The following LPCAT2 variants were observed in gnomAD, a reference collection of about 807,000 sequenced individuals.
The protein encoded by LPCAT2 is 1-AGP acyltransferase 11.
In LPCAT2, 58 loss-of-function variants were observed where a neutral mutation model predicts 64.7. That is an observed-to-expected ratio of 0.90 (90% confidence interval 0.73 to 1.12). LPCAT2 has a LOEUF of 1.12. LPCAT2 is among the 50% of genes most tolerant of loss of function. LPCAT2 has a pLI of 0.00. For synonymous variants in LPCAT2, 252 were observed against 245.3 expected (o/e 1.03, Z -0.26); for missense variants, 579 against 669.8 (o/e 0.86, Z 1.50).
At chr16:55,561,504 G>C (rs1183086530) in intron 11 of LPCAT2, among the ~76,000 whole-genome samples, 2 of 151,294 alleles carry the variant, frequency 1.3e-5, no homozygotes, top group African/African-American at 4.8e-5. Flanking sequence ...TCTAATAATA[G>C]TCTTTTATTC....
intron 11 of LPCAT2, among the ~76,000 whole-genome samples, chr16:55,569,182 T>C (rs1244989133): frequency 7.2e-5 from 11 of 152,212 alleles, no homozygotes; most frequent in Non-Finnish European, 4.4e-5. Flanking sequence ...AGAGGTTGGC[T>C]TTTGACCTTT....
chr16:55,513,393 G>A (rs1651538546), intron 1 of LPCAT2, among the ~76,000 whole-genome samples: 1 of 151,992 alleles, frequency 6.6e-6, no homozygotes. Context: ...TAGTGAACTT[G>A]AAGATAGGTC....
intron 11 of LPCAT2, among the ~76,000 whole-genome samples, chr16:55,573,361 C>T (rs1488112981): frequency 4.0e-5 from 6 of 151,306 alleles, no homozygotes; most frequent in East Asian, 1.9e-4. Context: ...TAGTAGGTAA[C>T]GGTAGATGAG....
rs1963924796 is a variant in LPCAT2, at chr16:55,584,632, T to C, written c.*1534T>C. On this transcript the variant is annotated 3_prime_UTR_variant, in exon 14 of 14. Transcript: ENST00000262134. The stretch of plus-strand genomic sequence containing the variant: ...TTGGCCGTGTTTCTGAATGTATTGG[T>C]GATTCACCCCCAAGCTAATTTTTTA... The C allele has an allele frequency of 6.6e-6, 1 of 152,158 alleles. No homozygotes were observed. The highest frequency in any genetic ancestry group is 2.4e-5 in the African/African-American group (1 of 41,442). The allele number at this position is 152,158 out of a possible 1,614,324, so 9.4% of individuals were successfully genotyped here. A position where few individuals can be genotyped will look rare whatever the true frequency, so the allele number is the denominator to read the frequency against.
rs1465341491 is a variant in LPCAT2, at chr16:55,545,803, G to C, written c.921G>C (p.Arg307=). ...CTGTCCTTTTTGCCAATAAAGTCCGGAATTTAATGGCAGAGTAAGTGTCTA... is the reference window on the plus strand; with the variant it reads ...CTGTCCTTTTTGCCAATAAAGTCCGCAATTTAATGGCAGAGTAAGTGTCTA... ...NDPVLFANKV[R]NLMAEALGIP... The change falls in exon 9 of 14, where the codon CGG becomes CGC. Residue 307 remains arginine, a synonymous_variant. Coordinates refer to ENST00000262134, the MANE Select transcript of LPCAT2 (RefSeq NM_017839.5). 1 of 1,609,946 alleles carries C rather than the reference G, an allele frequency of 6.2e-7. No individual in the cohort carries two copies. Among genetic ancestry groups the C allele is most frequent in the African/African-American group, 1.3e-5 (1 of 74,758 alleles).
chr16:55,536,032 TAAAC>T (rs1419901017), intron 7 of LPCAT2, among the ~76,000 whole-genome samples: 10 of 152,190 alleles, frequency 6.6e-5, no homozygotes, highest in Non-Finnish European at 1.5e-4. Context: ...TCAGGACTTT[TAAAC>T]AAACACAAAA....
At chr16:55,569,263 G>C (rs1963743433) in intron 11 of LPCAT2, among the ~76,000 whole-genome samples, 2 of 152,158 alleles carry the variant, frequency 1.3e-5, no homozygotes, top group Non-Finnish European at 2.9e-5. Context: ...ACTGAGCCAA[G>C]CACAGAGATC....
At chr16:55,549,248 A>T in intron 9 of LPCAT2, 29 bp from the exon 10 acceptor site, 1 of 1,504,832 alleles carries the variant, frequency 6.6e-7, no homozygotes, top group Non-Finnish European at 8.9e-7. Context: ...AAAAAAAATG[A>T]ATTTTAGTTT....
intron 4 of LPCAT2, 102 bp from the exon 5 acceptor site, chr16:55,531,812 T>C (rs1333235745): frequency 2.7e-6 from 2 of 737,420 alleles, no homozygotes; most frequent in African/African-American, 1.8e-5. Context: ...TTTGTTTTTG[T>C]TTTTTAAGCA....
At chr16:55,569,060 ATT>A (rs1369121626) in intron 11 of LPCAT2, among the ~76,000 whole-genome samples, 2 of 152,236 alleles carry the variant, frequency 1.3e-5, no homozygotes, top group East Asian at 3.9e-4. Context: ...TTGCAGATAA[ATT>A]CTTCCTTCCT....
intron 7 of LPCAT2, among the ~76,000 whole-genome samples, chr16:55,537,174 CT>C (rs1237173617): frequency 6.6e-6 from 1 of 152,072 alleles, no homozygotes; most frequent in Non-Finnish European, 1.5e-5. Flanking sequence ...GAGGCTCTGA[CT>C]GAAATACATA....
intron 7 of LPCAT2, 28 bp from the exon 8 acceptor site, chr16:55,537,550 A>G (rs572369376): frequency 3.7e-5 from 58 of 1,584,110 alleles, no homozygotes; most frequent in African/African-American, 5.4e-5. Context: ...TGACTGTATA[A>G]AGATAGACTT....
chr16:55,529,772 A>G, intron 3 of LPCAT2, 63 bp from the exon 4 acceptor site: 1 of 764,458 alleles, frequency 1.3e-6, no homozygotes, highest in Non-Finnish European at 2.2e-6. Context: ...TATATCCAGT[A>G]TTATTGCTGT....
intron 9 of LPCAT2, among the ~76,000 whole-genome samples, chr16:55,548,028 A>C (rs1423868025): frequency 6.6e-6 from 1 of 152,196 alleles, no homozygotes; most frequent in Admixed American, 6.5e-5. Flanking sequence ...TTGTCCTCCC[A>C]AAGTGCTGGG....
intron 11 of LPCAT2, among the ~76,000 whole-genome samples, chr16:55,556,638 G>C (rs1258098059): frequency 6.6e-6 from 1 of 152,134 alleles, no homozygotes; most frequent in South Asian, 2.1e-4. Flanking sequence ...AATTAGGTGG[G>C]CGTGGTGGCT....
At chr16:55,548,495 A>G (rs1963478880) in intron 9 of LPCAT2, among the ~76,000 whole-genome samples, 1 of 152,114 alleles carries the variant, frequency 6.6e-6, no homozygotes, top group African/African-American at 2.4e-5. Context: ...TACTTACACT[A>G]TATACAAATG....
chr16:55,529,177 A>G (rs79099166), intron 3 of LPCAT2, among the ~76,000 whole-genome samples: 2 of 152,274 alleles, frequency 1.3e-5, no homozygotes, highest in Non-Finnish European at 2.9e-5. Context: ...TCTCCAAGTA[A>G]CTACTCCCTG....
chr16:55,528,355 C>T lies in LPCAT2; in HGVS notation c.312-22C>T, dbSNP rs770208072. The T allele has an allele frequency of 3.0e-5, 47 of 1,591,546 alleles. No individual in the cohort carries two copies. The Admixed American group carries it at 7.6e-4, about 26-fold the overall frequency. ...TAGCTTTAATTAACAGAGCTAATTA[C>T]ATCTTTTCTATATTTTCAAAGGAAA... On this transcript the variant is annotated intron_variant, in intron 2 of 13. Coordinates refer to ENST00000262134, the MANE Select transcript of LPCAT2 (RefSeq NM_017839.5).
Position 55,550,987 on chromosome 16 carries a change from A to G in LPCAT2, c.1100A>G (p.Tyr367Cys), listed in dbSNP as rs1277654377. The G allele has an allele frequency of 1.9e-6, 3 of 1,609,310 alleles. No homozygotes were observed. Among genetic ancestry groups the G allele is most frequent in the Admixed American group, 3.3e-5 (2 of 59,834 alleles). ...WDGVRKHLDE[Y>C]ASIASSSKGG... ...GGTGTTCGTAAGCATTTGGATGAAT[A>G]TGCATCTATTGCGAGTTCCTCAAAA... The change falls in exon 11 of 14, where the codon TAT becomes TGT. Residue 367 changes from tyrosine (Y) to cysteine (C), a missense_variant. Tyr to Cys is a radical substitution (Grantham distance 194, BLOSUM62 -2). Coordinates refer to ENST00000262134, the MANE Select transcript of LPCAT2 (RefSeq NM_017839.5).
Sources: allele counts gnomAD v4.1 joint callset (sites outside exome capture counted in the v4.1 genomes callset), GRCh38; gene constraint gnomAD v4.1.1; transcripts MANE v1.5; gene names NCBI Gene and HGNC (gene_info 2026-07-23, HGNC 2026-07-21).